Variants in TAS2R19 observed in about 807,000 individuals in gnomAD.
The protein encoded by TAS2R19 is taste 2 receptor member 19.
For synonymous variants in TAS2R19, 108 were observed against 123.4 expected (o/e 0.87, Z 0.83); for missense variants, 336 against 342.4 (o/e 0.98, Z 0.15).
Position 11,021,721 on chromosome 12 carries a change from C to T in TAS2R19, c.851G>A (p.Arg284Lys). 1 of 1,614,122 alleles carries T rather than the reference C, an allele frequency of 6.2e-7. No homozygotes were observed. The highest frequency in any genetic ancestry group is 1.7e-5 in the Admixed American group (1 of 60,030). ...TGAAAGAAAGGTCTGTTTTAGCTTC[C>T]TACTTCCCATAATCAGGATGAATGA... The part of the protein sequence containing the change: ...FHSFILIMGS[R>K]KLKQTFLSVL... The change falls in exon 1 of 1, where the codon AGG (arginine) becomes AAG (lysine). Residue 284 changes from arginine (R) to lysine (K), a missense_variant. Coordinates refer to ENST00000390673, the MANE Select transcript of TAS2R19 (RefSeq NM_176888.2).
Position 11,021,977 on chromosome 12 carries a change from T to G in TAS2R19, c.595A>C (p.Ile199Leu), listed in dbSNP as rs199639701. ...TLSLICFLLL[I>L]CSLCKHLKKM... Reference sequence around the variant, plus strand: ...TTGAGATGTTTACAAAGAGAACAGATTAACAGCAGAAAACATATTAGGCTC... The same window carrying G: ...TTGAGATGTTTACAAAGAGAACAGAGTAACAGCAGAAAACATATTAGGCTC... Residue 199 changes from isoleucine (I) to leucine (L), a missense_variant, in exon 1 of 1, where the codon ATC becomes CTC. Ile to Leu is a conservative substitution (Grantham distance 5). Coordinates refer to ENST00000390673, the MANE Select transcript of TAS2R19 (RefSeq NM_176888.2). 1 of 1,572,658 alleles carries G rather than the reference T, an allele frequency of 6.4e-7. No homozygotes were observed. Among genetic ancestry groups the G allele is most frequent in the Non-Finnish European group, 8.6e-7 (1 of 1,160,234 alleles).
In TAS2R19 at chr12:11,021,799, T is replaced by C. The variant is rs1380643947; in HGVS notation, c.773A>G (p.Lys258Arg). ...STWNLRTQQSKLVLLLCQTVA... is the reference protein window; with the variant it reads ...STWNLRTQQSRLVLLLCQTVA... ...AGTTTGGCAAAGCAGGAGTACAAGT[T>C]TGCTCTGCTGTGTCCTAAGATTCCA... is the stretch of plus-strand genomic sequence containing the variant. The change falls in exon 1 of 1, where the codon AAA becomes AGA. Residue 258 changes from lysine to arginine, a missense_variant. By Grantham distance (26) the Lys-to-Arg change is conservative. Coordinates refer to ENST00000390673, the MANE Select transcript of TAS2R19 (RefSeq NM_176888.2). 6.2e-7 allele frequency: 1 copy of C among 1,614,140 alleles called. No individual in the cohort carries two copies. The highest frequency in any genetic ancestry group is 8.5e-7 in the Non-Finnish European group (1 of 1,180,034).
the TAS2R19 span, chr12:11,022,146 A>T: frequency 1.2e-6 from 2 of 1,613,946 alleles, no homozygotes; most frequent in Non-Finnish European, 1.7e-6. Flanking sequence ...CAGCAAGATT[A>T]CAAATCAGAA....
Position 11,022,347 on chromosome 12 carries a change from T to G in TAS2R19, c.225A>C (p.Leu75Phe), listed in dbSNP as rs759203120. Residue 75 changes from leucine to phenylalanine, a missense_variant, in exon 1 of 1, where the codon TTA becomes TTC. Leu to Phe is a conservative substitution (Grantham distance 22, BLOSUM62 0). Transcript: ENST00000390673. ...CAACAATTCTTACTTCTAAACCATATAAAGCAGAATTAAACACAGTTGCAT... is the reference window on the plus strand; with the variant it reads ...CAACAATTCTTACTTCTAAACCATAGAAAGCAGAATTAAACACAGTTGCAT... ...LWYATVFNSALYGLEVRIVAS... is the reference protein window; with the variant it reads ...LWYATVFNSAFYGLEVRIVAS... The G allele has an allele frequency of 5.2e-5, 84 of 1,613,988 alleles. No homozygotes were observed. Among genetic ancestry groups the G allele is most frequent in the Admixed American group, 1.8e-4 (11 of 60,002 alleles).
In TAS2R19 at chr12:11,022,367, T is replaced by C. The variant is rs372919215; in HGVS notation, c.205A>G (p.Thr69Ala). 11 of 1,614,024 alleles carry C rather than the reference T, an allele frequency of 6.8e-6. No homozygotes were observed. The highest frequency in any genetic ancestry group is 1.7e-5 in the Admixed American group (1 of 60,000). ...LWVMLFLWYA[T>A]VFNSALYGLE... ...CCATATAAAGCAGAATTAAACACAG[T>C]TGCATACCAAAGGAATAACATGACC... Residue 69 changes from threonine (T) to alanine (A), a missense_variant, in exon 1 of 1, where the codon ACT becomes GCT. Physicochemically the swap from Thr to Ala is moderately conservative, Grantham distance 58 (BLOSUM62 0). Transcript: ENST00000390673.
Position 11,022,492 on chromosome 12 carries a change from A to G in TAS2R19, c.80T>C (p.Ile27Thr), listed in dbSNP as rs780349492. The G allele has an allele frequency of 1.9e-6, 3 of 1,613,764 alleles. No homozygotes were observed. The East Asian group carries it at 6.7e-5, about 36-fold the overall frequency. Residue 27 changes from isoleucine (I) to threonine (T), a missense_variant, in exon 1 of 1, where the codon ATA (isoleucine) becomes ACA (threonine). Coordinates refer to ENST00000390673, the MANE Select transcript of TAS2R19 (RefSeq NM_176888.2). ...CCAGTCAATGACATTTACTAGGGCT[A>G]TGAAGCCATTGGCAACATTTCCAAG... ...FVLGNVANGF[I>T]ALVNVIDWVN...
In TAS2R19 at chr12:11,022,620, C is replaced by T; in HGVS notation, c.-49G>A. 1 of 1,334,276 alleles carries T rather than the reference C, an allele frequency of 7.5e-7. No individual in the cohort carries two copies. Among genetic ancestry groups the T allele is most frequent in the Admixed American group, 2.1e-5 (1 of 47,366 alleles). The allele number at this position is 1,334,276 out of a possible 1,614,324, so 82.7% of individuals were successfully genotyped here. ...GGCTTAGTAACACTTGTTCTGAGTCCTTTAACATCCAGATGTTAACTTCGA... is the reference window on the plus strand; with the variant it reads ...GGCTTAGTAACACTTGTTCTGAGTCTTTTAACATCCAGATGTTAACTTCGA... On this transcript the variant is annotated 5_prime_UTR_variant, in exon 1 of 1. Transcript: ENST00000390673.
Position 11,021,906 on chromosome 12 carries a change from C to A in TAS2R19, c.666G>T (p.Lys222Asn), listed in dbSNP as rs1941659350. ...CAGTTTGCAAAGCTTTTATATGGAC[C>A]TTGGTGCTGGGATCTTGAGATCCTT... The part of the protein sequence containing the change: ...HSKGSQDPST[K>N]VHIKALQTVT... Residue 222 changes from lysine (K) to asparagine (N), a missense_variant, in exon 1 of 1, where the codon AAG (lysine) becomes AAT (asparagine). Transcript: ENST00000390673. The A allele has an allele frequency of 6.2e-7, 1 of 1,614,062 alleles. No homozygotes were observed. The highest frequency in any genetic ancestry group is 1.3e-5 in the African/African-American group (1 of 74,930).
chr12:11,022,359 A>C lies in TAS2R19; in HGVS notation c.213T>G (p.Phe71Leu), dbSNP rs758318719. ...CTTCTAAACCATATAAAGCAGAATT[A>C]AACACAGTTGCATACCAAAGGAATA... Reference protein sequence around the residue: ...VMLFLWYATVFNSALYGLEVR... With the variant: ...VMLFLWYATVLNSALYGLEVR... Residue 71 changes from phenylalanine (F) to leucine (L), a missense_variant, in exon 1 of 1, where the codon TTT (phenylalanine) becomes TTG (leucine). Coordinates refer to ENST00000390673, the MANE Select transcript of TAS2R19 (RefSeq NM_176888.2). The C allele has an allele frequency of 1.4e-5, 23 of 1,614,146 alleles. No individual in the cohort carries two copies. Among genetic ancestry groups the C allele is most frequent in the Non-Finnish European group, 1.9e-5 (22 of 1,179,938 alleles).
rs370728247 is a variant in TAS2R19 at position 11,021,934 on chromosome 12, C to T, written c.638G>A (p.Ser213Asn). Residue 213 changes from serine to asparagine, a missense_variant, in exon 1 of 1, where the codon AGC becomes AAC. Ser to Asn is a conservative substitution (Grantham distance 46). Transcript: ENST00000390673. ...CKHLKKMRLH[S>N]KGSQDPSTKV... ...GGTGCTGGGATCTTGAGATCCTTTG[C>T]TATGGAGCCGCATCTTCTTGAGATG... 2.0e-5 allele frequency: 33 copies of T among 1,614,040 alleles called. No homozygotes were observed. The highest frequency in any genetic ancestry group is 1.2e-4 in the South Asian group (11 of 91,088).
In TAS2R19 at chr12:11,022,190, C is replaced by T. The variant is rs753730046; in HGVS notation, c.382G>A (p.Val128Ile). Reference sequence around the variant, plus strand: ...GGCCCCAACAGTATCACCAGAACAACACTCTTAATTCTCTTCTTTAGGTGG... The same window carrying T: ...GGCCCCAACAGTATCACCAGAACAATACTCTTAATTCTCTTCTTTAGGTGG... ...SLHLKKRIKS[V>I]VLVILLGPLV... The change falls in exon 1 of 1, where the codon GTT becomes ATT. Residue 128 changes from valine to isoleucine, a missense_variant. Transcript: ENST00000390673. 6.2e-7 allele frequency: 1 copy of T among 1,614,102 alleles called. No individual in the cohort carries two copies. Among genetic ancestry groups the T allele is most frequent in the Non-Finnish European group, 8.5e-7 (1 of 1,179,958 alleles).
Position 11,022,146 on chromosome 12 carries a change from A to C in TAS2R19, c.426T>G (p.Cys142Trp). 1 of 1,613,946 alleles carries C rather than the reference A, an allele frequency of 6.2e-7. No homozygotes were observed. Among genetic ancestry groups the C allele is most frequent in the East Asian group, 2.2e-5 (1 of 44,890 alleles). The change falls in exon 1 of 1, where the codon TGT becomes TGG. Residue 142 changes from cysteine to tryptophan, a missense_variant. Physicochemically the swap from Cys to Trp is radical, Grantham distance 215. Transcript: ENST00000390673. The part of the protein sequence containing the change: ...ILLGPLVFLI[C>W]NLAVITMDER... ...CATCCATGGTTATCACAGCAAGATT[A>C]CAAATCAGAAATACCAAGGGCCCCA... is the stretch of plus-strand genomic sequence containing the variant.
Position 11,021,944 on chromosome 12 carries a change from G to C in TAS2R19, c.628C>G (p.Arg210Gly). 1 of 1,614,040 alleles carries C rather than the reference G, an allele frequency of 6.2e-7. No homozygotes were observed. The highest frequency in any genetic ancestry group is 1.1e-5 in the South Asian group (1 of 91,062). The change falls in exon 1 of 1, where the codon CGG (arginine) becomes GGG (glycine). Residue 210 changes from arginine (R) to glycine (G), a missense_variant. By Grantham distance (125) the Arg-to-Gly change is moderately radical. Coordinates refer to ENST00000390673, the MANE Select transcript of TAS2R19 (RefSeq NM_176888.2). ...TCTTGAGATCCTTTGCTATGGAGCC[G>C]CATCTTCTTGAGATGTTTACAAAGA... ...CSLCKHLKKM[R>G]LHSKGSQDPS...
chr12:11,021,644 A>C lies in TAS2R19; in HGVS notation c.*28T>G. On this transcript the variant is annotated 3_prime_UTR_variant, in exon 1 of 1. Coordinates refer to ENST00000390673, the MANE Select transcript of TAS2R19 (RefSeq NM_176888.2). ...CCCACGATGCTCCCCTTGTGAATCT[A>C]TGGAGTTGAGGGTTTCTCTTCTTTC... 6.3e-7 allele frequency: 1 copy of C among 1,582,954 alleles called. No individual in the cohort carries two copies. The highest frequency in any genetic ancestry group is 2.2e-5 in the East Asian group (1 of 44,484).
In TAS2R19 at chr12:11,021,786, C is replaced by G. The variant is rs781770704; in HGVS notation, c.786G>C (p.Leu262=). Reference sequence around the variant, plus strand: ...ACATGATTGCAACAGTTTGGCAAAGCAGGAGTACAAGTTTGCTCTGCTGTG... The same window carrying G: ...ACATGATTGCAACAGTTTGGCAAAGGAGGAGTACAAGTTTGCTCTGCTGTG... ...LRTQQSKLVL[L]LCQTVAIMYP... Residue 262 remains leucine (L), a synonymous_variant, in exon 1 of 1, where the codon CTG becomes CTC. Coordinates refer to ENST00000390673, the MANE Select transcript of TAS2R19 (RefSeq NM_176888.2). 1.2e-6 allele frequency: 2 copies of G among 1,614,118 alleles called. No homozygotes were observed. The highest frequency in any genetic ancestry group is 2.7e-5 in the African/African-American group (2 of 74,946).
At position 11,021,826 on chromosome 12, in the gene TAS2R19, G is replaced by A. The variant is rs760514884; in HGVS notation, c.746C>T (p.Thr249Ile). ...AIYFLCIITS[T>I]WNLRTQQSKL... ...GCTCTGCTGTGTCCTAAGATTCCAA[G>A]TTGATGTGATTATACACAGAAAGTA... The change falls in exon 1 of 1, where the codon ACT becomes ATT. Residue 249 changes from threonine (T) to isoleucine (I), a missense_variant. Coordinates refer to ENST00000390673, the MANE Select transcript of TAS2R19 (RefSeq NM_176888.2). 7 of 1,614,270 alleles carry A rather than the reference G, an allele frequency of 4.3e-6. No homozygotes were observed. In the East Asian group the frequency reaches 1.1e-4, roughly 26 times the overall value.
Position 11,021,675 on chromosome 12 carries a change from G to A in TAS2R19, c.897C>T (p.Arg299=), listed in dbSNP as rs368242992. 281 of 1,608,822 alleles carry A rather than the reference G, an allele frequency of 1.7e-4. No homozygotes were observed. The highest frequency in any genetic ancestry group is 3.3e-4 in the Middle Eastern group (2 of 6,060). ...TTGAGGGTTTCTCTTCTTTCACTCAGCGTGTCATCTGCCACAAAACTGAAA... is the reference window on the plus strand; with the variant it reads ...TTGAGGGTTTCTCTTCTTTCACTCAACGTGTCATCTGCCACAAAACTGAAA... The part of the protein sequence containing the change: ...TFLSVLWQMT[R] Residue 299 remains arginine, a synonymous_variant, in exon 1 of 1, where the codon CGC becomes CGT. Transcript: ENST00000390673.
chr12:11,022,509 A>G lies in TAS2R19; in HGVS notation c.63T>C (p.Asn21=). The change falls in exon 1 of 1, where the codon AAT becomes AAC. Residue 21 remains asparagine (N), a synonymous_variant. Coordinates refer to ENST00000390673, the MANE Select transcript of TAS2R19 (RefSeq NM_176888.2). ...ILVVFAFVLG[N]VANGFIALVN... Reference sequence around the variant, plus strand: ...CTAGGGCTATGAAGCCATTGGCAACATTTCCAAGAACAAATGCAAACACTA... The same window carrying G: ...CTAGGGCTATGAAGCCATTGGCAACGTTTCCAAGAACAAATGCAAACACTA... 6.2e-7 allele frequency: 1 copy of G among 1,613,902 alleles called. No individual in the cohort carries two copies.
chr12:11,022,062 A>G lies in TAS2R19; in HGVS notation c.510T>C (p.Asn170=). 1.9e-6 allele frequency: 3 copies of G among 1,613,948 alleles called. No homozygotes were observed. Among genetic ancestry groups the G allele is most frequent in the South Asian group, 1.1e-5 (1 of 91,070 alleles). ...CAGTCAAGCTTGAAAGGTGTATTGC[A>G]TTCCTCAATTTGATCTTCCAAGTCA... ...GNVTWKIKLR[N]AIHLSSLTVT... is the part of the protein sequence containing the mutation. Residue 170 remains asparagine (N), a synonymous_variant, in exon 1 of 1, where the codon AAT becomes AAC. Transcript: ENST00000390673.
Sources: allele counts gnomAD v4.1 joint callset, GRCh38; gene constraint gnomAD v4.1.1; transcripts MANE v1.5; gene names NCBI Gene and HGNC (gene_info 2026-07-23, HGNC 2026-07-21).